Variants in MYRIP observed in about 807,000 individuals in gnomAD.
MYRIP encodes myosin VIIA and Rab interacting protein.
MYRIP carries 49 observed loss-of-function variants against 98.0 expected under a neutral mutation model. That is an observed-to-expected ratio of 0.50 (90% CI 0.40 to 0.63). The LOEUF (loss-of-function observed/expected upper bound fraction) is 0.63, where lower values mean the gene tolerates loss of function less well. Among genes scored for constraint, MYRIP ranks in the 30% least tolerant of loss-of-function variants. The pLI, the probability that MYRIP is intolerant of heterozygous loss-of-function variation, is 0.00. For synonymous variants in MYRIP, 404 were observed against 409.5 expected, an observed-to-expected ratio of 0.99 and a Z score of 0.16; for missense variants, 1,004 against 1,058.2, an observed-to-expected ratio of 0.95 and a Z score of 0.71.
At chr3:40,200,479 A>C (rs1951525719) in intron 10 of MYRIP, among the ~76,000 whole-genome samples, 1 of 152,096 alleles carries the variant, frequency 6.6e-6, no homozygotes, top group Admixed American at 6.6e-5. Flanking sequence ...GAGCCTCTCT[A>C]TATAGGATTT....
In MYRIP at chr3:39,821,107, CA is replaced by C. The variant is rs138538797; in HGVS notation, c.-31+11195del. ...TGAAAGATAGTTAAAATTGCTTCCC[CA>C]AAAGGTGGAAACATTGCTAGAAAAA... On this transcript the variant is annotated intron_variant, in intron 1 of 16. Coordinates refer to ENST00000302541, the MANE Select transcript of MYRIP (RefSeq NM_015460.4). 9.6e-3 allele frequency among the ~76,000 whole-genome samples: 1,469 copies of C among 152,258 alleles called. 18 individuals carry two copies. The highest frequency in any genetic ancestry group is 0.034 in the African/African-American group (1,394 of 41,544).
At position 40,188,467 on chromosome 3, in the gene MYRIP, C is replaced by T. The variant is rs149594377; in HGVS notation, c.1028-1359C>T. On this transcript the variant is annotated intron_variant, in intron 9 of 16. Coordinates refer to ENST00000302541, the MANE Select transcript of MYRIP (RefSeq NM_015460.4). ...TGCCCCCAGGCAACCCTGCAACAGTCCTGGTTAAAAGGAAAAAAAAAAAAA... is the reference window on the plus strand; with the variant it reads ...TGCCCCCAGGCAACCCTGCAACAGTTCTGGTTAAAAGGAAAAAAAAAAAAA... Among the ~76,000 whole-genome samples the T allele has an allele frequency of 2.9e-5, 4 of 138,864 alleles. 1 individual carries two copies. The highest frequency in any genetic ancestry group is 2.3e-4 in the South Asian group (1 of 4,434). 91.1% of individuals were successfully genotyped at this position (138,864 alleles called of 152,430 possible).
Position 39,907,832 on chromosome 3 carries a change from G to A in MYRIP, c.110+6906G>A, listed in dbSNP as rs147261270. On this transcript the variant is annotated intron_variant, in intron 2 of 16. Transcript: ENST00000302541. ...CTGAGTTTCCTGATGCCAGGGCTCC[G>A]TGTCGTCTGCCATTGGGCCTCTCAG... is the stretch of plus-strand genomic sequence containing the variant. 8.1e-4 allele frequency among the ~76,000 whole-genome samples: 123 copies of A among 152,264 alleles called. 2 individuals are homozygous for A. In the East Asian group the frequency reaches 0.022, roughly 27 times the overall value.
intron 5 of MYRIP, among the ~76,000 whole-genome samples, chr3:40,163,696 C>G (rs1413076584): frequency 6.6e-6 from 1 of 152,140 alleles, no homozygotes; most frequent in Non-Finnish European, 1.5e-5. Flanking sequence ...TATTCCACAG[C>G]CCTTCACATT....
chr3:39,838,633 G>T (rs533514833), intron 1 of MYRIP, among the ~76,000 whole-genome samples: 2 of 151,862 alleles, frequency 1.3e-5, no homozygotes, highest in Non-Finnish European at 2.9e-5. Context: ...GAGGATTTTC[G>T]CATTGATGTT....
At chr3:40,129,323 C>T (rs552262336) in intron 3 of MYRIP, among the ~76,000 whole-genome samples, 2 of 151,150 alleles carry the variant, frequency 1.3e-5, no homozygotes, top group South Asian at 4.2e-4. Flanking sequence ...CGCCTGTAAT[C>T]CCAGCTACTC....
chr3:40,039,913 C>T (rs900936243), intron 2 of MYRIP, among the ~76,000 whole-genome samples: 1 of 152,080 alleles, frequency 6.6e-6, no homozygotes, highest in Non-Finnish European at 1.5e-5. Flanking sequence ...GCCCATGCCT[C>T]CTTCCTAGCT....
intron 1 of MYRIP, among the ~76,000 whole-genome samples, chr3:39,850,753 T>G (rs1362140028): frequency 6.6e-6 from 1 of 152,192 alleles, no homozygotes; most frequent in Non-Finnish European, 1.5e-5. Context: ...ATTTCAAATG[T>G]AGCCAGCTGC....
Position 40,250,320 on chromosome 3 carries a change from G to A in MYRIP, c.2361G>A (p.Arg787=), listed in dbSNP as rs142475398. The change falls in exon 14 of 17, where the codon AGG becomes AGA. Residue 787 remains arginine (R), a synonymous_variant. Transcript: ENST00000302541. ...CAAGAAGACGGGATCAGAAGCAAAG[G>A]ACCCAGGTGTGTTTGTCCCTTTCTC... The part of the protein sequence containing the change: ...RFTRRRDQKQ[R]TQVQTIDTSR... 6.2e-7 allele frequency: 1 copy of A among 1,613,910 alleles called. No homozygotes were observed. The highest frequency in any genetic ancestry group is 8.5e-7 in the Non-Finnish European group (1 of 1,179,772).
chr3:40,061,577 T>C (rs1310549637), intron 3 of MYRIP, among the ~76,000 whole-genome samples: 1 of 152,266 alleles, frequency 6.6e-6, no homozygotes, highest in Admixed American at 6.5e-5. Flanking sequence ...TAGAATGATT[T>C]ATACTCCTTT....
intron 2 of MYRIP, among the ~76,000 whole-genome samples, chr3:39,909,334 C>T (rs776014465): frequency 6.6e-6 from 1 of 152,086 alleles, no homozygotes; most frequent in Non-Finnish European, 1.5e-5. Context: ...CAATATTAAT[C>T]CAAAGCTGTT....
chr3:40,140,536 C>T (rs1949869342), intron 3 of MYRIP, among the ~76,000 whole-genome samples: 2 of 152,172 alleles, frequency 1.3e-5, no homozygotes, highest in Admixed American at 1.3e-4. Context: ...GAGGGACCTC[C>T]ACACTGTTCT....
At chr3:40,127,017 G>T (rs902618614) in intron 3 of MYRIP, among the ~76,000 whole-genome samples, 4 of 152,308 alleles carry the variant, frequency 2.6e-5, no homozygotes, top group Admixed American at 6.5e-5. Flanking sequence ...ACAAACATGA[G>T]TCCCAAATAG....
intron 2 of MYRIP, among the ~76,000 whole-genome samples, chr3:39,965,905 T>C (rs1011500294): frequency 3.3e-5 from 5 of 152,260 alleles, no homozygotes; most frequent in Non-Finnish European, 7.4e-5. Flanking sequence ...TTCTGCATAA[T>C]TGTATATGTT....
chr3:40,233,431 C>T (rs1221872973), intron 11 of MYRIP, among the ~76,000 whole-genome samples: 1 of 152,132 alleles, frequency 6.6e-6, no homozygotes, highest in African/African-American at 2.4e-5. Context: ...GAATTTAGAG[C>T]CTGAACTGGA....
chr3:40,218,837 A>G (rs1952236116), intron 11 of MYRIP, among the ~76,000 whole-genome samples: 1 of 151,824 alleles, frequency 6.6e-6, no homozygotes, highest in Non-Finnish European at 1.5e-5. Flanking sequence ...AAATTAATAC[A>G]TATATTTAAC....
chr3:39,973,897 A>G (rs1005026891), intron 2 of MYRIP, among the ~76,000 whole-genome samples: 2 of 152,256 alleles, frequency 1.3e-5, no homozygotes, highest in Non-Finnish European at 2.9e-5. Flanking sequence ...ACGCATTCAA[A>G]GCAGTGTGTA....
chr3:39,959,065 T>C (rs1287450478), intron 2 of MYRIP, among the ~76,000 whole-genome samples: 3 of 152,172 alleles, frequency 2.0e-5, no homozygotes, highest in Non-Finnish European at 2.9e-5. Context: ...AGGAACACTT[T>C]TACACTGTTG....
In MYRIP at chr3:39,877,972, C is replaced by T. The variant is rs1009316177; in HGVS notation, c.-30-22815C>T. ...GGTGGAGCCTACAGAGGCAGGCAGGCCTCCTTGAGCTGTGGTGGGCTCCAC... is the reference window on the plus strand; with the variant it reads ...GGTGGAGCCTACAGAGGCAGGCAGGTCTCCTTGAGCTGTGGTGGGCTCCAC... On this transcript the variant is annotated intron_variant, in intron 1 of 16. Coordinates refer to ENST00000302541, the MANE Select transcript of MYRIP (RefSeq NM_015460.4). Among the ~76,000 whole-genome samples the T allele has an allele frequency of 3.0e-4, 46 of 152,210 alleles. 1 individual carries two copies. Among genetic ancestry groups the T allele is most frequent in the African/African-American group, 9.6e-4 (40 of 41,466 alleles).
Sources: gnomAD v4.1 joint callset for allele counts (sites outside exome capture counted in the v4.1 genomes callset) on GRCh38, gnomAD v4.1.1 for gene constraint, MANE v1.5 for transcripts, NCBI Gene and HGNC (gene_info 2026-07-23, HGNC 2026-07-21) for gene names.